The following PPARA variants were observed in gnomAD, a reference collection of about 807,000 sequenced individuals.
PPARA encodes peroxisome proliferator activated receptor alpha, also known as peroxisome proliferator-activated receptor alpha.
PPARA carries 22 observed loss-of-function variants against 42.2 expected under a neutral mutation model. The observed-to-expected ratio is 0.52, with a 90% CI of 0.37 to 0.74. The LOEUF is 0.74. PPARA is among the 30% of genes least tolerant of loss of function. The pLI is 0.00. For missense variants in PPARA, 465 were observed against 608.2 expected (o/e 0.76, Z 2.48); for synonymous variants, 242 against 239.3 (o/e 1.01, Z -0.10).
rs1934357850 is a variant in PPARA at position 46,215,168 on chromosome 22, C to T, written c.209-5C>T. On this transcript the variant is annotated splice_region_variant and splice_polypyrimidine_tract_variant and intron_variant, in intron 4 of 8. Coordinates refer to ENST00000407236, the MANE Select transcript of PPARA (RefSeq NM_005036.6). ...TATTCATCCGTCTCTCCTCTTTTTC[C>T]CCAGACACGCTTTCACCAGCTTCGA... 3 of 1,613,606 alleles carry T rather than the reference C, an allele frequency of 1.9e-6. No individual in the cohort carries two copies. The highest frequency in any genetic ancestry group is 2.5e-6 in the Non-Finnish European group (3 of 1,179,926).
chr22:46,175,967 T>C (rs1468496955), intron 2 of PPARA: 1 of 152,044 alleles, frequency 6.6e-6, no homozygotes, highest in Non-Finnish European at 1.5e-5. Flanking sequence ...GGTTTCTTGG[T>C]TTTCTGGTTT....
rs768410623 is a variant in PPARA, at chr22:46,224,505, C to T, written c.711+4491C>T. Among the ~76,000 whole-genome samples, 1 of 152,168 alleles carries T rather than the reference C, an allele frequency of 6.6e-6. No homozygotes were observed. Among genetic ancestry groups the T allele is most frequent in the Admixed American group, 6.5e-5 (1 of 15,280 alleles). ...GGCCTGGAAACACCTTGATCTCTGC[C>T]CAGTGGCCCACATGCGGTCGCCGTT... On this transcript the variant is annotated intron_variant, in intron 7 of 8. Coordinates refer to ENST00000407236, the MANE Select transcript of PPARA (RefSeq NM_005036.6). The surrounding 1 kb of genome is among the most constrained non-coding windows in gnomAD (Gnocchi z 5.7).
intron 5 of PPARA, 127 bp downstream of exon 5, chr22:46,215,460 A>G: frequency 7.9e-7 from 1 of 1,258,390 alleles, no homozygotes; most frequent in Non-Finnish European, 1.1e-6. Context: ...ACTTCAGGCC[A>G]GGCGCGGTAT....
In PPARA at chr22:46,232,485, C is replaced by T. The variant is rs945277384; in HGVS notation, c.1159+246C>T. ...TATTTAATATTATGTAAATGTATGA[C>T]ATTTTAATCATAATATTAGCCAGGT... On this transcript the variant is annotated intron_variant, in intron 8 of 8. Transcript: ENST00000407236. This position sits in a 1 kb window ranked among gnomAD's most constrained non-coding sequence, Gnocchi z 5.3. 6.6e-6 allele frequency among the ~76,000 whole-genome samples: 1 copy of T among 151,664 alleles called. No homozygotes were observed. The highest frequency in any genetic ancestry group is 1.5e-5 in the Non-Finnish European group (1 of 67,962).
In PPARA at chr22:46,195,641, C is replaced by T. The variant is rs1932139694; in HGVS notation, c.-42-2701C>T. On this transcript the variant is annotated intron_variant, in intron 3 of 8. Transcript: ENST00000407236. This position sits in a 1 kb window ranked among gnomAD's most constrained non-coding sequence, Gnocchi z 4.6. The stretch of plus-strand genomic sequence containing the variant: ...TCACCGCACTAAAAGCTGTTGTTTA[C>T]ATGAAGCAAACCTCAAATGTGAACA... 6.6e-6 allele frequency among the ~76,000 whole-genome samples: 1 copy of T among 152,240 alleles called. No individual in the cohort carries two copies.
chr22:46,153,711 T>C (rs1924829115), intron 2 of PPARA, among the ~76,000 whole-genome samples: 1 of 151,970 alleles, frequency 6.6e-6, no homozygotes. Flanking sequence ...ATACAAAAAT[T>C]AGCTGGGCAT....
rs191230288 is a variant in PPARA, at chr22:46,242,833, T to A, written c.*7453T>A. 1 of 152,688 alleles carries A rather than the reference T, an allele frequency of 6.5e-6. No homozygotes were observed. The highest frequency in any genetic ancestry group is 2.4e-5 in the African/African-American group (1 of 41,568). The allele number at this position is 152,688 out of a possible 1,614,324, so 9.5% of individuals were successfully genotyped here. A position where few individuals can be genotyped will look rare whatever the true frequency, so the allele number is the denominator to read the frequency against. On this transcript the variant is annotated 3_prime_UTR_variant, in exon 9 of 9. Coordinates refer to ENST00000407236, the MANE Select transcript of PPARA (RefSeq NM_005036.6). The surrounding 1 kb of genome is among the most constrained non-coding windows in gnomAD (Gnocchi z 6.1). ...AATCTGTTCCCTTTACCACACTGTA[T>A]ATGCACAGAGCACAAGAGAGGCTAT...
Position 46,200,239 on chromosome 22 carries a change from G to T in PPARA, c.208+1648G>T, listed in dbSNP as rs11913971. Among the ~76,000 whole-genome samples the T allele has an allele frequency of 4.0e-3, 614 of 152,304 alleles. 4 individuals are homozygous for T. The highest frequency in any genetic ancestry group is 0.013 in the African/African-American group (560 of 41,566). ...GATAAACCTGGGTGGTGTGTACATG[G>T]GTATTACAGTCATGTTGCTTAATGA... On this transcript the variant is annotated intron_variant, in intron 4 of 8. Transcript: ENST00000407236. This position sits in a 1 kb window ranked among gnomAD's most constrained non-coding sequence, Gnocchi z 4.8.
At chr22:46,213,258 G>T (rs1255012265) in intron 4 of PPARA, among the ~76,000 whole-genome samples, 1 of 152,196 alleles carries the variant, frequency 6.6e-6, no homozygotes, top group Non-Finnish European at 1.5e-5. Context: ...TAGTAGGTGT[G>T]TGGTGACACC....
chr22:46,154,727 C>T (rs1052154529), intron 2 of PPARA, among the ~76,000 whole-genome samples: 9 of 151,644 alleles, frequency 5.9e-5, no homozygotes, highest in Non-Finnish European at 1.3e-4. Context: ...GGCTAGAGCA[C>T]AGCTGCATGA....
In PPARA at chr22:46,162,317, G is replaced by A. The variant is rs1454043778; in HGVS notation, c.-127+10347G>A. Among the ~76,000 whole-genome samples the A allele has an allele frequency of 6.6e-6, 1 of 152,184 alleles. No individual in the cohort carries two copies. Among genetic ancestry groups the A allele is most frequent in the African/African-American group, 2.4e-5 (1 of 41,440 alleles). On this transcript the variant is annotated intron_variant, in intron 2 of 8. Coordinates refer to ENST00000407236, the MANE Select transcript of PPARA (RefSeq NM_005036.6). This position sits in a 1 kb window ranked among gnomAD's most constrained non-coding sequence, Gnocchi z 6.0. ...ATGTTTATGGGATGAGAGGTTGATAGGAGGGCATGGCCCTGACATTCCAGG... is the reference window on the plus strand; with the variant it reads ...ATGTTTATGGGATGAGAGGTTGATAAGAGGGCATGGCCCTGACATTCCAGG...
chr22:46,178,032 G>A (rs1392207505), intron 3 of PPARA, among the ~76,000 whole-genome samples: 1 of 151,950 alleles, frequency 6.6e-6, no homozygotes, highest in Non-Finnish European at 1.5e-5. Flanking sequence ...TAGATCTAAG[G>A]AGGTCTATCA....
chr22:46,218,214 G>A, intron 5 of PPARA, 49 bp from the exon 6 acceptor site: 1 of 1,610,842 alleles, frequency 6.2e-7, no homozygotes, highest in Non-Finnish European at 8.5e-7. Context: ...AAGTGCGCTG[G>A]TTTCTCAGTG....
At position 46,193,345 on chromosome 22, in the gene PPARA, C is replaced by T. The variant is rs933301086; in HGVS notation, c.-42-4997C>T. ...GCCTCCCAAATGCTCAGATTACAGGCGTGAGCCACCGCACCTGGCCACTGT... is the reference window on the plus strand; with the variant it reads ...GCCTCCCAAATGCTCAGATTACAGGTGTGAGCCACCGCACCTGGCCACTGT... On this transcript the variant is annotated intron_variant, in intron 3 of 8. Coordinates refer to ENST00000407236, the MANE Select transcript of PPARA (RefSeq NM_005036.6). The surrounding 1 kb of genome is among the most constrained non-coding windows in gnomAD (Gnocchi z 5.3). Among the ~76,000 whole-genome samples, 13 of 152,252 alleles carry T rather than the reference C, an allele frequency of 8.5e-5. No homozygotes were observed. Among genetic ancestry groups the T allele is most frequent in the East Asian group, 3.9e-4 (2 of 5,184 alleles).
At position 46,219,789 on chromosome 22, in the gene PPARA, G is replaced by A. The variant is rs371308279; in HGVS notation, c.509-23G>A. On this transcript the variant is annotated intron_variant, in intron 6 of 8. Coordinates refer to ENST00000407236, the MANE Select transcript of PPARA (RefSeq NM_005036.6). This position sits in a 1 kb window ranked among gnomAD's most constrained non-coding sequence, Gnocchi z 4.8. Reference sequence around the variant, plus strand: ...AGTCATGACCTCACTGCTCATGCCTGTGTTTCCCCCTCCAAACCCTAGCGA... The same window carrying A: ...AGTCATGACCTCACTGCTCATGCCTATGTTTCCCCCTCCAAACCCTAGCGA... 1.2e-5 allele frequency: 20 copies of A among 1,613,504 alleles called. No individual in the cohort carries two copies. Among genetic ancestry groups the A allele is most frequent in the Non-Finnish European group, 7.6e-6 (9 of 1,179,522 alleles).
Position 46,215,056 on chromosome 22 carries a change from G to A in PPARA, c.209-117G>A, listed in dbSNP as rs536886340. 81 of 1,308,490 alleles carry A rather than the reference G, an allele frequency of 6.2e-5. No individual in the cohort carries two copies. In the Admixed American group the frequency reaches 1.4e-3, roughly 22 times the overall value. 81.1% of individuals were successfully genotyped at this position (1,308,490 alleles called of 1,614,324 possible). On this transcript the variant is annotated intron_variant, in intron 4 of 8. Transcript: ENST00000407236. ...GGGCCCGGCCCCGCATGGGTGTTCT[G>A]AGGTTTATGCCTCAGCACTAGAAGC...
In PPARA at chr22:46,240,403, G is replaced by C. The variant is rs1936341084; in HGVS notation, c.*5023G>C. On this transcript the variant is annotated 3_prime_UTR_variant, in exon 9 of 9. Coordinates refer to ENST00000407236, the MANE Select transcript of PPARA (RefSeq NM_005036.6). This position sits in a 1 kb window ranked among gnomAD's most constrained non-coding sequence, Gnocchi z 6.0. ...GTTTCTAGACTCTTGCACCTGGTGAGTGCAAGGATAGGTGACCCAGGGGCC... is the reference window on the plus strand; with the variant it reads ...GTTTCTAGACTCTTGCACCTGGTGACTGCAAGGATAGGTGACCCAGGGGCC... 1 of 396,326 alleles carries C rather than the reference G, an allele frequency of 2.5e-6. No individual in the cohort carries two copies. The highest frequency in any genetic ancestry group is 4.4e-6 in the Non-Finnish European group (1 of 225,234). 24.6% of individuals were successfully genotyped at this position (396,326 alleles called of 1,614,324 possible).
rs1231101623 is a variant in PPARA at position 46,225,634 on chromosome 22, C to T, written c.711+5620C>T. Reference sequence around the variant, plus strand: ...ATGCATGCATGTGTACACAAACACACCCACACATACACATGCACCCACACG... The same window carrying T: ...ATGCATGCATGTGTACACAAACACATCCACACATACACATGCACCCACACG... On this transcript the variant is annotated intron_variant, in intron 7 of 8. Transcript: ENST00000407236. This position sits in a 1 kb window ranked among gnomAD's most constrained non-coding sequence, Gnocchi z 4.1. Among the ~76,000 whole-genome samples the T allele has an allele frequency of 3.3e-5, 5 of 151,590 alleles. No homozygotes were observed. Among genetic ancestry groups the T allele is most frequent in the Non-Finnish European group, 7.4e-5 (5 of 67,886 alleles).
rs1158014421 is a variant in PPARA, at chr22:46,163,488, T to TCA, written c.-127+11520_-127+11521dup. 6.6e-6 allele frequency: 1 copy of TCA among 152,248 alleles called. No individual in the cohort carries two copies. Among genetic ancestry groups the TCA allele is most frequent in the East Asian group, 1.9e-4 (1 of 5,202 alleles). The allele number at this position is 152,248 out of a possible 1,614,324, so 9.4% of individuals were successfully genotyped here. ...CTGAAAAGCAAATGAGCCCTCATGC[T>TCA]CACGATTTCACCACAGTCACATAAG... On this transcript the variant is annotated intron_variant, in intron 2 of 8. Coordinates refer to ENST00000407236, the MANE Select transcript of PPARA (RefSeq NM_005036.6). This position sits in a 1 kb window ranked among gnomAD's most constrained non-coding sequence, Gnocchi z 4.9.
Sources: gnomAD v4.1 joint callset for allele counts (sites outside exome capture counted in the v4.1 genomes callset) on GRCh38, gnomAD v4.1.1 for gene constraint, Gnocchi (gnomAD v3.1) non-coding constraint, MANE v1.5 for transcripts, NCBI Gene and HGNC (gene_info 2026-07-23, HGNC 2026-07-21) for gene names.